The following CNTNAP2 variants were observed in gnomAD, a reference collection of about 807,000 sequenced individuals.
CNTNAP2 encodes the protein contactin-associated protein-like 2.
A neutral mutation model predicts 155.2 loss-of-function variants in CNTNAP2; 98 were observed. The observed-to-expected ratio is 0.63, with a 90% CI of 0.54 to 0.75. The LOEUF is 0.75. Ranked by LOEUF, CNTNAP2 falls within the 30% of genes least tolerant of loss-of-function variation. CNTNAP2 has a pLI of 0.00. For missense variants in CNTNAP2, 1,727 were observed against 1,688.1 expected, an observed-to-expected ratio of 1.02 and a Z score of -0.40; for synonymous variants, 651 against 631.2, an observed-to-expected ratio of 1.03 and a Z score of -0.47.
chr7:146,389,225 A>ACT (rs1795505168), intron 1 of CNTNAP2, among the ~76,000 whole-genome samples: 1 of 14,360 alleles, frequency 7.0e-5, no homozygotes, highest in East Asian at 2.1e-3. Context: ...GGAAATAGTC[A>ACT]CACACACACA....
chr7:147,776,485 A>T (rs913772130), intron 13 of CNTNAP2, among the ~76,000 whole-genome samples: 1 of 152,208 alleles, frequency 6.6e-6, no homozygotes, highest in African/African-American at 2.4e-5. Context: ...CCATGCACAC[A>T]CGTGGATTAA....
At chr7:148,258,926 C>G (rs934832009) in intron 20 of CNTNAP2, among the ~76,000 whole-genome samples, 1 of 151,694 alleles carries the variant, frequency 6.6e-6, no homozygotes, top group Non-Finnish European at 1.5e-5. Context: ...ACCTGTAATC[C>G]CAGCACTTTG....
At chr7:147,955,841 T>C in intron 14 of CNTNAP2, among the ~76,000 whole-genome samples, 1 of 152,202 alleles carries the variant, frequency 6.6e-6, no homozygotes, top group East Asian at 1.9e-4. Context: ...AGAATGCATG[T>C]ATTTTATCTC....
chr7:146,730,636 A>G (rs1480475660), intron 1 of CNTNAP2, among the ~76,000 whole-genome samples: 1 of 152,110 alleles, frequency 6.6e-6, no homozygotes, highest in African/African-American at 2.4e-5. Context: ...TGACCGCAAC[A>G]TATATATACA....
chr7:146,501,080 G>C (rs73164049), intron 1 of CNTNAP2, among the ~76,000 whole-genome samples: 29,778 of 151,456 alleles, frequency 0.2, 3,666 homozygotes, highest in East Asian at 0.43. Context: ...TTTGGTCCTG[G>C]TGTATAAATT....
At chr7:147,959,751 T>A (rs1322352468) in intron 14 of CNTNAP2, among the ~76,000 whole-genome samples, 1 of 152,122 alleles carries the variant, frequency 6.6e-6, no homozygotes, top group Admixed American at 6.5e-5. Context: ...TGACAGGGCA[T>A]GCTGGTGGGT....
intron 11 of CNTNAP2, among the ~76,000 whole-genome samples, chr7:147,558,409 A>T (rs535803897): frequency 1.3e-5 from 2 of 152,268 alleles, no homozygotes; most frequent in African/African-American, 4.8e-5. Context: ...TTCAGGATGA[A>T]ATCTATGCTT....
chr7:146,423,164 TC>T (rs1796036675), intron 1 of CNTNAP2, among the ~76,000 whole-genome samples: 1 of 152,152 alleles, frequency 6.6e-6, no homozygotes, highest in Admixed American at 6.6e-5. Context: ...TTATTATGGT[TC>T]CAATTTTCAT....
At chr7:146,578,341 C>T (rs796904434) in intron 1 of CNTNAP2, among the ~76,000 whole-genome samples, 2 of 152,032 alleles carry the variant, frequency 1.3e-5, no homozygotes, top group Non-Finnish European at 2.9e-5. Flanking sequence ...TTGAAGCACT[C>T]AATATTTAAT....
At chr7:147,256,337 C>T (rs1030331806) in intron 8 of CNTNAP2, among the ~76,000 whole-genome samples, 3 of 151,932 alleles carry the variant, frequency 2.0e-5, no homozygotes, top group Non-Finnish European at 2.9e-5. Flanking sequence ...AAAAGCCTAC[C>T]GAAGGGGTGT....
chr7:147,823,542 C>T (rs62482316), intron 13 of CNTNAP2, among the ~76,000 whole-genome samples: 12,681 of 152,094 alleles, frequency 0.083, 584 homozygotes, highest in East Asian at 0.14. Context: ...AACTTGGCTC[C>T]TACCCCTAAT....
intron 2 of CNTNAP2, among the ~76,000 whole-genome samples, chr7:146,804,224 TTAGC>T (rs1241468352): frequency 3.3e-5 from 5 of 152,196 alleles, no homozygotes; most frequent in Non-Finnish European, 7.3e-5. Context: ...GATTGTGTTT[TTAGC>T]CACCGAAAGC....
intron 14 of CNTNAP2, among the ~76,000 whole-genome samples, chr7:147,971,494 A>C (rs1207698176): frequency 1.3e-5 from 2 of 152,024 alleles, no homozygotes; most frequent in East Asian, 3.9e-4. Flanking sequence ...ACAACCACTA[A>C]TCTCCTTTCT....
intron 1 of CNTNAP2, among the ~76,000 whole-genome samples, chr7:146,650,858 C>G (rs1047383216): frequency 4.6e-5 from 7 of 151,998 alleles, no homozygotes; most frequent in African/African-American, 1.7e-4. Flanking sequence ...TCTGAAGATT[C>G]CTTTCATTAG....
chr7:148,123,690 G>C (rs1157556757), intron 16 of CNTNAP2, among the ~76,000 whole-genome samples: 2 of 142,112 alleles, frequency 1.4e-5, no homozygotes, highest in Non-Finnish European at 3.1e-5. Flanking sequence ...GAAGGAAAAA[G>C]AAAGAGAAAG....
rs199578442 is a variant in CNTNAP2, at chr7:147,475,461, GT to G, written c.1671-10465del. 2.7e-5 allele frequency among the ~76,000 whole-genome samples: 4 copies of G among 150,152 alleles called. No homozygotes were observed. The South Asian group carries it at 8.5e-4, about 32-fold the overall frequency. The stretch of plus-strand genomic sequence containing the variant: ...TTTTCTATATGTTTAAAAGTTATGT[GT>G]TTTTTTTTCTGTGAACTGCCCTGTT... On this transcript the variant is annotated intron_variant, in intron 10 of 23. Transcript: ENST00000361727.
chr7:147,798,931 C>G (rs1797945505), intron 13 of CNTNAP2, among the ~76,000 whole-genome samples: 1 of 152,122 alleles, frequency 6.6e-6, no homozygotes, highest in Non-Finnish European at 1.5e-5. Context: ...TTGTTTCCCT[C>G]CATATTGAAT....
chr7:147,642,011 C>CGTGTGCGTGTGT (rs5888277), intron 13 of CNTNAP2, among the ~76,000 whole-genome samples: 2,174 of 149,688 alleles, frequency 0.015, 188 homozygotes, highest in Admixed American at 0.14. Flanking sequence ...TGTGTGTGTG[C>CGTGTGCGTGTGT]GTGTGTGTGT....
intron 1 of CNTNAP2, among the ~76,000 whole-genome samples, chr7:146,703,238 T>C (rs992113858): frequency 6.6e-6 from 1 of 152,106 alleles, no homozygotes; most frequent in East Asian, 1.9e-4. Context: ...ATAAACCATG[T>C]GGTCTCAGCA....
Sources: gnomAD v4.1 joint callset for allele counts (sites outside exome capture counted in the v4.1 genomes callset) on GRCh38, gnomAD v4.1.1 for gene constraint, MANE v1.5 for transcripts, NCBI Gene and HGNC (gene_info 2026-07-23, HGNC 2026-07-21) for gene names.